RALGAPA2: variants seen among roughly 807,000 people sequenced by gnomAD.
The protein encoded by RALGAPA2 is ral GTPase-activating protein subunit alpha-2.
RALGAPA2 carries 139 observed loss-of-function variants against 230.4 expected under a neutral mutation model. The ratio of observed to expected loss-of-function variants is 0.60; its 90% CI spans 0.53 to 0.69. The LOEUF (loss-of-function observed/expected upper bound fraction) is 0.69. Ranked by LOEUF, RALGAPA2 falls within the 30% of genes least tolerant of loss-of-function variation. The probability of loss-of-function intolerance (pLI) is 0.00; values close to 1 mark genes in which losing one functional copy is unlikely to be tolerated. For synonymous variants in RALGAPA2, 847 were observed against 837.8 expected, an observed-to-expected ratio of 1.01 and a Z score of -0.19; for missense variants, 2,163 against 2,276.0, an observed-to-expected ratio of 0.95 and a Z score of 1.01.
chr20:20,405,152 T>C (rs556584053), intron 38 of RALGAPA2, among the ~76,000 whole-genome samples: 2 of 152,332 alleles, frequency 1.3e-5, no homozygotes, highest in African/African-American at 4.8e-5. Context: ...CAAGTTTTCA[T>C]TCTCCTCAAG....
rs1040180288 is a variant in RALGAPA2 at position 20,591,095 on chromosome 20, T to G, written c.2341+82A>C. The G allele has an allele frequency of 4.9e-6, 7 of 1,424,560 alleles. No individual in the cohort carries two copies. The African/African-American group carries it at 1.0e-4, about 20-fold the overall frequency. 88.2% of individuals were successfully genotyped at this position (1,424,560 alleles called of 1,614,324 possible). ...TTGAAATAAATATATTCAGAATATATGTACAAAGCAATACTATATGCAGCT... is the reference window on the plus strand; with the variant it reads ...TTGAAATAAATATATTCAGAATATAGGTACAAAGCAATACTATATGCAGCT... On this transcript the variant is annotated intron_variant, in intron 17 of 39. Coordinates refer to ENST00000202677, the MANE Select transcript of RALGAPA2 (RefSeq NM_020343.4).
Position 20,393,236 on chromosome 20 carries a change from G to T in RALGAPA2, c.*53C>A. 1 of 1,354,938 alleles carries T rather than the reference G, an allele frequency of 7.4e-7. No homozygotes were observed. Among genetic ancestry groups the T allele is most frequent in the African/African-American group, 1.5e-5 (1 of 67,610 alleles). 83.9% of individuals were successfully genotyped at this position (1,354,938 alleles called of 1,614,324 possible). ...AGGGGCTCTTCGAGGTCAGCACTCA[G>T]ACTGGAGGCCAGGGCCCCTGCAAAG... On this transcript the variant is annotated 3_prime_UTR_variant, in exon 40 of 40. Coordinates refer to ENST00000202677, the MANE Select transcript of RALGAPA2 (RefSeq NM_020343.4).
At chr20:20,407,053 G>T (rs891151612) in intron 38 of RALGAPA2, among the ~76,000 whole-genome samples, 1 of 152,178 alleles carries the variant, frequency 6.6e-6, no homozygotes, top group Non-Finnish European at 1.5e-5. Context: ...AAATGGGGAG[G>T]TGAAGATTGA....
chr20:20,651,838 G>A (rs1302163137), intron 4 of RALGAPA2, among the ~76,000 whole-genome samples: 2 of 152,154 alleles, frequency 1.3e-5, no homozygotes, highest in African/African-American at 4.8e-5. Context: ...AAAAAATACT[G>A]CATGCAGTTA....
chr20:20,693,613 G>A (rs944354978), intron 1 of RALGAPA2, among the ~76,000 whole-genome samples: 3 of 152,092 alleles, frequency 2.0e-5, no homozygotes, highest in Non-Finnish European at 2.9e-5. Flanking sequence ...TACAGCTGTC[G>A]AATAATGTCT....
chr20:20,598,236 T>C (rs1324922072), intron 16 of RALGAPA2, among the ~76,000 whole-genome samples: 4 of 152,238 alleles, frequency 2.6e-5, no homozygotes, highest in East Asian at 3.9e-4. Flanking sequence ...ACTTCACATA[T>C]ATGATTTATT....
In RALGAPA2 at chr20:20,571,955, CA is replaced by C. The variant is rs754249696; in HGVS notation, c.2902-10del. 6.3e-7 allele frequency: 1 copy of C among 1,575,404 alleles called. No homozygotes were observed. The highest frequency in any genetic ancestry group is 1.7e-5 in the Admixed American group (1 of 57,922). On this transcript the variant is annotated splice_polypyrimidine_tract_variant and intron_variant, in intron 21 of 39. Coordinates refer to ENST00000202677, the MANE Select transcript of RALGAPA2 (RefSeq NM_020343.4). The stretch of plus-strand genomic sequence containing the variant: ...GCTAGATTATCCCGTATCTAATTCA[CA>C]AAGAGGAGAATTTTAGGGTAGGTAA...
chr20:20,446,665 G>A (rs566255546), intron 37 of RALGAPA2, among the ~76,000 whole-genome samples: 11 of 152,334 alleles, frequency 7.2e-5, no homozygotes, highest in African/African-American at 1.4e-4. Context: ...GCTGACCTGC[G>A]TGGCTACAGG....
intron 35 of RALGAPA2, among the ~76,000 whole-genome samples, chr20:20,501,776 G>A (rs1445423004): frequency 6.6e-6 from 1 of 152,118 alleles, no homozygotes; most frequent in East Asian, 1.9e-4. Context: ...TTGATTTCAA[G>A]TGAGAGACAT....
At chr20:20,509,623 T>A (rs1048432431) in intron 33 of RALGAPA2, among the ~76,000 whole-genome samples, 1 of 152,100 alleles carries the variant, frequency 6.6e-6, no homozygotes, top group Non-Finnish European at 1.5e-5. Context: ...CTTCAACATG[T>A]ATGTAGCTAT....
chr20:20,509,661 C>T, intron 33 of RALGAPA2, among the ~76,000 whole-genome samples: 1 of 151,878 alleles, frequency 6.6e-6, no homozygotes, highest in African/African-American at 2.4e-5. Flanking sequence ...GCTCAGTGAC[C>T]TGGGAGACAG....
intron 36 of RALGAPA2, among the ~76,000 whole-genome samples, chr20:20,477,575 C>CT (rs1349016712): frequency 1.3e-5 from 2 of 152,140 alleles, no homozygotes; most frequent in African/African-American, 4.8e-5. Flanking sequence ...CACAGCCACA[C>CT]TTATCCACTT....
intron 36 of RALGAPA2, among the ~76,000 whole-genome samples, chr20:20,489,785 A>G (rs2062005449): frequency 6.6e-6 from 1 of 152,208 alleles, no homozygotes; most frequent in Non-Finnish European, 1.5e-5. Flanking sequence ...AGGCAGTCGC[A>G]TGCCAAGGGG....
At chr20:20,622,177 G>A (rs1486431595) in intron 10 of RALGAPA2, among the ~76,000 whole-genome samples, 1 of 151,658 alleles carries the variant, frequency 6.6e-6, no homozygotes. Context: ...GAACTATGAA[G>A]AGATAAAAGA....
intron 38 of RALGAPA2, among the ~76,000 whole-genome samples, chr20:20,404,350 C>A (rs1252590210): frequency 2.6e-5 from 4 of 152,178 alleles, no homozygotes; most frequent in Non-Finnish European, 5.9e-5. Flanking sequence ...CCTATATCTT[C>A]CTGGAAAAGG....
intron 37 of RALGAPA2, among the ~76,000 whole-genome samples, chr20:20,412,824 C>T (rs1485794610): frequency 2.0e-5 from 3 of 152,192 alleles, no homozygotes; most frequent in African/African-American, 7.2e-5. Context: ...AAACCAGTCA[C>T]CAATAAAACT....
intron 5 of RALGAPA2, 62 bp downstream of exon 5, chr20:20,643,444 A>G: frequency 7.1e-7 from 1 of 1,402,588 alleles, no homozygotes; most frequent in South Asian, 1.4e-5. Context: ...TAACATTGTT[A>G]CTTTGTGGCA....
chr20:20,572,264 A>G (rs1398985640), intron 21 of RALGAPA2, among the ~76,000 whole-genome samples: 2 of 151,480 alleles, frequency 1.3e-5, no homozygotes, highest in African/African-American at 4.9e-5. Context: ...CATGTTTTTG[A>G]AAAAAAAATT....
At chr20:20,582,725 A>G (rs1317314287) in intron 20 of RALGAPA2, among the ~76,000 whole-genome samples, 1 of 152,186 alleles carries the variant, frequency 6.6e-6, no homozygotes, top group Non-Finnish European at 1.5e-5. Context: ...TACATACTGT[A>G]TATGTTACAA....
Sources: allele counts gnomAD v4.1 joint callset (sites outside exome capture counted in the v4.1 genomes callset), GRCh38; gene constraint gnomAD v4.1.1; transcripts MANE v1.5; gene names NCBI Gene and HGNC (gene_info 2026-07-23, HGNC 2026-07-21).